The following GATA4 variants were observed in gnomAD, a reference collection of about 807,000 sequenced individuals.
GATA4 encodes the protein GATA binding protein 4.
GATA4 carries 7 observed loss-of-function variants against 37.9 expected under a neutral mutation model. The ratio of observed to expected loss-of-function variants is 0.18; its 90% confidence interval spans 0.11 to 0.35. GATA4 has a LOEUF of 0.35. Ranked by LOEUF, GATA4 falls within the 10% of genes least tolerant of loss-of-function variation. The pLI is 1.00. For synonymous variants in GATA4, 372 were observed against 292.6 expected (o/e 1.27, Z -2.77); for missense variants, 647 against 653.0 (o/e 0.99, Z 0.10).
At chr8:11,715,275 AGCGG>A (rs1563204550) in intron 2 of GATA4, among the ~76,000 whole-genome samples, 4 of 152,190 alleles carry the variant, frequency 2.6e-5, no homozygotes, top group African/African-American at 7.2e-5. Flanking sequence ...TGGGGAGGAA[AGCGG>A]GTAGGTGAGG....
chr8:11,753,226 T>C (rs1802385734), intron 4 of GATA4, among the ~76,000 whole-genome samples: 1 of 152,082 alleles, frequency 6.6e-6, no homozygotes, highest in Non-Finnish European at 1.5e-5. Context: ...ACTCAGCCTT[T>C]AAAAGGAAGG....
chr8:11,712,863 AAAAAAG>A (rs1191356082), intron 2 of GATA4, among the ~76,000 whole-genome samples: 1 of 152,166 alleles, frequency 6.6e-6, no homozygotes. Context: ...CCCTGTCTCA[AAAAAAG>A]AAAAAGAAAA....
At chr8:11,719,054 C>T (rs1800556089) in intron 2 of GATA4, among the ~76,000 whole-genome samples, 1 of 152,190 alleles carries the variant, frequency 6.6e-6, no homozygotes, top group Admixed American at 6.5e-5. Flanking sequence ...AAAAAGAGTT[C>T]ATCAATTGAG....
intron 1 of GATA4, among the ~76,000 whole-genome samples, chr8:11,686,386 T>G (rs899967439): frequency 6.6e-6 from 1 of 152,172 alleles, no homozygotes; most frequent in African/African-American, 2.4e-5. Context: ...TAATGGTATT[T>G]TCTTTCTCTA....
intron 2 of GATA4, among the ~76,000 whole-genome samples, chr8:11,715,440 A>T (rs994909293): frequency 6.6e-6 from 1 of 152,218 alleles, no homozygotes; most frequent in Non-Finnish European, 1.5e-5. Flanking sequence ...GTTAAAGTTA[A>T]GTTTAATGTA....
chr8:11,744,071 T>C (rs1585674413), intron 2 of GATA4, among the ~76,000 whole-genome samples: 2 of 152,242 alleles, frequency 1.3e-5, no homozygotes, highest in South Asian at 4.1e-4. Flanking sequence ...AGTTGGTTCC[T>C]GGCTTGCAGT....
At chr8:11,744,418 G>A (rs1341422224) in intron 2 of GATA4, among the ~76,000 whole-genome samples, 1 of 152,134 alleles carries the variant, frequency 6.6e-6, no homozygotes. Flanking sequence ...AGGAGTTCCC[G>A]GGATGCCAGC....
chr8:11,694,068 G>A (rs934334642), intron 1 of GATA4, among the ~76,000 whole-genome samples: 2 of 152,182 alleles, frequency 1.3e-5, no homozygotes, highest in African/African-American at 2.4e-5. Flanking sequence ...AGGAGGTGCC[G>A]TGGGTCCCCC....
chr8:11,686,870 C>T (rs561540351), intron 1 of GATA4, among the ~76,000 whole-genome samples: 21 of 151,944 alleles, frequency 1.4e-4, no homozygotes, highest in Non-Finnish European at 2.9e-4. Flanking sequence ...TGGTGGGGCG[C>T]GCCTGTAATC....
At chr8:11,727,751 C>T (rs1259367651) in intron 2 of GATA4, among the ~76,000 whole-genome samples, 5 of 151,474 alleles carry the variant, frequency 3.3e-5, no homozygotes, top group East Asian at 1.9e-4. Context: ...TGCGGTGGGA[C>T]GATCACTTGA....
intron 2 of GATA4, among the ~76,000 whole-genome samples, chr8:11,743,953 A>G (rs576825445): frequency 2.6e-5 from 4 of 152,312 alleles, no homozygotes; most frequent in African/African-American, 9.6e-5. Context: ...TGGAGTTAGG[A>G]CAAAATTTAT....
rs1359426620 is a variant in GATA4 at position 11,759,533 on chromosome 8, G to A, written c.*1058G>A. 6.6e-6 allele frequency: 1 copy of A among 152,274 alleles called. No individual in the cohort carries two copies. The highest frequency in any genetic ancestry group is 1.5e-5 in the Non-Finnish European group (1 of 68,074). 9.4% of individuals were successfully genotyped at this position (152,274 alleles called of 1,614,324 possible). ...AGCCTCGCCCCGGCAGAAGTCTTTT[G>A]TCCAGGAGGCAAAAAGCCAGAGATT... On this transcript the variant is annotated 3_prime_UTR_variant, in exon 7 of 7. Transcript: ENST00000532059.
intron 2 of GATA4, among the ~76,000 whole-genome samples, chr8:11,716,914 TC>T (rs1257595272): frequency 6.6e-6 from 1 of 152,264 alleles, no homozygotes; most frequent in African/African-American, 2.4e-5. Context: ...ATGCTAGTTT[TC>T]CTTTCCTTGT....
chr8:11,742,685 A>G (rs1246605630), intron 2 of GATA4, among the ~76,000 whole-genome samples: 1 of 152,238 alleles, frequency 6.6e-6, no homozygotes, highest in East Asian at 1.9e-4. Context: ...GCCTCCTGTC[A>G]CAGGCATCTG....
At chr8:11,758,211 G>A in intron 6 of GATA4, 82 bp from the exon 7 acceptor site, 1 of 1,418,412 alleles carries the variant, frequency 7.1e-7, no homozygotes, top group Middle Eastern at 2.2e-4. Flanking sequence ...CATCTGCATA[G>A]CAGGGCACCC....
chr8:11,712,319 G>A (rs1373948032), intron 2 of GATA4, among the ~76,000 whole-genome samples: 3 of 152,160 alleles, frequency 2.0e-5, no homozygotes, highest in Non-Finnish European at 2.9e-5. Flanking sequence ...GTGAAAATGG[G>A]TGCATTACCC....
chr8:11,695,624 G>A (rs770168717), intron 1 of GATA4, among the ~76,000 whole-genome samples: 3 of 152,146 alleles, frequency 2.0e-5, no homozygotes, highest in Non-Finnish European at 4.4e-5. Context: ...CAGTTTCCAA[G>A]GACTGACTGG....
intron 1 of GATA4, chr8:11,681,399 G>A: frequency 2.0e-6 from 2 of 985,090 alleles, no homozygotes; most frequent in Non-Finnish European, 2.4e-6. Context: ...ACCCTTCCGG[G>A]ATCACGCGTG....
At chr8:11,681,433 C>G in intron 1 of GATA4, 1 of 984,412 alleles carries the variant, frequency 1.0e-6, no homozygotes, top group African/African-American at 1.8e-5. Context: ...GCCGTAGCTA[C>G]GATCCCCGCG....
Sources: allele counts gnomAD v4.1 joint callset (sites outside exome capture counted in the v4.1 genomes callset), GRCh38; gene constraint gnomAD v4.1.1; transcripts MANE v1.5; gene names NCBI Gene and HGNC (gene_info 2026-07-23, HGNC 2026-07-21).